EZR: variants seen among roughly 807,000 people sequenced by gnomAD.
EZR encodes cytovillin 2.
In EZR, 40 loss-of-function variants were observed where a neutral mutation model predicts 74.8. That is an observed-to-expected ratio of 0.53 (90% CI 0.42 to 0.70). EZR has a LOEUF of 0.70. EZR is among the 30% of genes least tolerant of loss of function. EZR has a pLI of 0.00. For missense variants in EZR, 678 were observed against 755.8 expected (o/e 0.90, Z 1.21); for synonymous variants, 341 against 283.3 (o/e 1.20, Z -2.05).
intron 2 of EZR, among the ~76,000 whole-genome samples, chr6:158,805,991 G>C (rs1451603068): frequency 6.6e-6 from 1 of 152,214 alleles, no homozygotes; most frequent in East Asian, 1.9e-4. Flanking sequence ...TTAAGACAAT[G>C]ACCTGTTCCC....
rs756335191 is a variant in EZR, at chr6:158,787,154, T to G, written c.146A>C (p.Tyr49Ser). Residue 49 changes from tyrosine (Y) to serine (S), a missense_variant, in exon 4 of 14, where the codon TAT becomes TCT. Around this residue, in one of 3 missense-constraint regions of EZR, gnomAD observed 217 missense variants for 232.2 expected, o/e 0.93. Coordinates refer to ENST00000367075, the MANE Select transcript of EZR (RefSeq NM_001111077.2). The part of the protein sequence containing the change: ...LREVWYFGLH[Y>S]VDNKGFPTWL... ...GGTAGGAAATCCTTTATTATCCACA[T>G]AGTGGAGGCCAAAGTACCACACTTC... 6.2e-7 allele frequency: 1 copy of G among 1,613,550 alleles called. No homozygotes were observed. Among genetic ancestry groups the G allele is most frequent in the Non-Finnish European group, 8.5e-7 (1 of 1,179,478 alleles).
At chr6:158,798,069 G>A (rs1274352155) in intron 2 of EZR, among the ~76,000 whole-genome samples, 1 of 152,230 alleles carries the variant, frequency 6.6e-6, no homozygotes, top group Non-Finnish European at 1.5e-5. Flanking sequence ...CAGAGAGACA[G>A]AATTTTGTAA....
In EZR at chr6:158,767,393, G is replaced by A. The variant is rs568900289; in HGVS notation, c.1464C>T (p.Ser488=). The change falls in exon 13 of 14, where the codon AGC becomes AGT. Residue 488 remains serine (S), a synonymous_variant. Coordinates refer to ENST00000367075, the MANE Select transcript of EZR (RefSeq NM_001111077.2). ...TGGGCTCTGCGCCCTCATCCTGCAA[G>A]CTCTCCTGGACATGGTAGCTCACCG... The part of the protein sequence containing the change: ...YEPVSYHVQE[S]LQDEGAEPTG... 1.8e-5 allele frequency: 29 copies of A among 1,613,808 alleles called. No homozygotes were observed. The South Asian group carries it at 2.1e-4, about 12-fold the overall frequency.
intron 9 of EZR, 22 bp from the exon 10 acceptor site, chr6:158,770,916 A>T (rs1791086248): frequency 6.2e-7 from 1 of 1,614,020 alleles, no homozygotes; most frequent in Non-Finnish European, 8.5e-7. Context: ...AAAAAGAGGC[A>T]CAGGGAGATT....
chr6:158,773,579 C>A (rs1335714513), intron 8 of EZR, among the ~76,000 whole-genome samples: 1 of 152,158 alleles, frequency 6.6e-6, no homozygotes, highest in African/African-American at 2.4e-5. Context: ...AAACCCAAGA[C>A]CCTACAAATA....
At chr6:158,774,672 AACACACACACACACACAC>A (rs56400693) in intron 8 of EZR, among the ~76,000 whole-genome samples, 8 of 142,516 alleles carry the variant, frequency 5.6e-5, no homozygotes, top group African/African-American at 1.1e-4. Context: ...CTTATCATCA[AACACACACACACACACAC>A]ACACACACAC....
intron 2 of EZR, among the ~76,000 whole-genome samples, chr6:158,801,188 C>A (rs1418237832): frequency 6.6e-6 from 1 of 152,204 alleles, no homozygotes; most frequent in Non-Finnish European, 1.5e-5. Flanking sequence ...AATCTCGGCT[C>A]ACTGTAGCCT....
Position 158,770,774 on chromosome 6 carries a change from CTTCT to C in EZR, c.1076_1079del (p.Lys359ArgfsTer30), listed in dbSNP as rs1461946340. 1 of 1,614,178 alleles carries C rather than the reference CTTCT, an allele frequency of 6.2e-7. No individual in the cohort carries two copies. The highest frequency in any genetic ancestry group is 8.5e-7 in the Non-Finnish European group (1 of 1,180,034). ...CCCAGGGCGCCTGACCTCTCTCTGC[CTTCT>C]TTGTCTTCTCCTCATAGTCCTGCAG... On this transcript the variant is annotated frameshift_variant, in exon 10 of 14. Transcript: ENST00000367075. LOFTEE classifies it high-confidence loss of function.
At chr6:158,816,224 T>TA (rs752165994) in intron 2 of EZR, among the ~76,000 whole-genome samples, 3 of 152,186 alleles carry the variant, frequency 2.0e-5, no homozygotes, top group African/African-American at 7.2e-5. Flanking sequence ...TCTGGGAAGA[T>TA]AAAGTTCTGG....
rs1415224228 is a variant in EZR at position 158,783,648 on chromosome 6, T to C, written c.570A>G (p.Glu190=). The change falls in exon 7 of 14, where the codon GAA becomes GAG. Residue 190 remains glutamate (E), a synonymous_variant. Transcript: ENST00000367075. ...RGMLKDNAML[E]YLKIAQDLEM... ...CCAGGTCCTGAGCAATCTTCAGGTA[T>C]TCCAACATAGCATTATCTCTAATTG... 6.2e-7 allele frequency: 1 copy of C among 1,613,830 alleles called. No homozygotes were observed. Among genetic ancestry groups the C allele is most frequent in the African/African-American group, 1.3e-5 (1 of 74,906 alleles).
intron 2 of EZR, among the ~76,000 whole-genome samples, chr6:158,792,096 T>C (rs1791764125): frequency 6.6e-6 from 1 of 152,190 alleles, no homozygotes; most frequent in African/African-American, 2.4e-5. Flanking sequence ...ATAATTAACA[T>C]TAAAAAGATA....
At chr6:158,797,805 C>T (rs1777104751) in intron 2 of EZR, among the ~76,000 whole-genome samples, 1 of 152,178 alleles carries the variant, frequency 6.6e-6, no homozygotes, top group Admixed American at 6.5e-5. Context: ...TGTTGAGTCA[C>T]TATGTACTTT....
chr6:158,775,394 T>C (rs576680315), intron 8 of EZR, among the ~76,000 whole-genome samples: 5 of 152,310 alleles, frequency 3.3e-5, no homozygotes, highest in Middle Eastern at 3.4e-3. Context: ...TGATTTTAAA[T>C]TATGCTAGAC....
chr6:158,772,632 C>T (rs1459708303), intron 8 of EZR, among the ~76,000 whole-genome samples: 1 of 152,178 alleles, frequency 6.6e-6, no homozygotes, highest in Non-Finnish European at 1.5e-5. Flanking sequence ...CAATCTTGGT[C>T]CCAACTCCTT....
chr6:158,771,175 C>T (rs1432038663), intron 9 of EZR, 69 bp downstream of exon 9: 5 of 1,464,390 alleles, frequency 3.4e-6, no homozygotes, highest in South Asian at 2.6e-5. Flanking sequence ...AGTCACCTGA[C>T]AGGCACTGGC....
chr6:158,799,424 T>C (rs1467427791), intron 2 of EZR, among the ~76,000 whole-genome samples: 2 of 152,248 alleles, frequency 1.3e-5, no homozygotes, highest in Non-Finnish European at 2.9e-5. Flanking sequence ...CCAAGATTAA[T>C]GTATTTACCT....
chr6:158,768,952 C>T (rs111266451), intron 12 of EZR, among the ~76,000 whole-genome samples: 14 of 152,154 alleles, frequency 9.2e-5, no homozygotes, highest in South Asian at 2.1e-4. Context: ...TCAGGCACTG[C>T]GACCCCATTG....
At chr6:158,787,766 G>A (rs1037240887) in intron 3 of EZR, among the ~76,000 whole-genome samples, 1 of 152,232 alleles carries the variant, frequency 6.6e-6, no homozygotes, top group Non-Finnish European at 1.5e-5. Flanking sequence ...TTCTGGGACG[G>A]AAGGGTGTCA....
intron 2 of EZR, among the ~76,000 whole-genome samples, chr6:158,807,865 T>TCTC (rs1372971973): frequency 6.6e-6 from 1 of 152,126 alleles, no homozygotes; most frequent in Non-Finnish European, 1.5e-5. Flanking sequence ...CAGACCAGCA[T>TCTC]CTCCTTTCCA....
Sources: allele counts gnomAD v4.1 joint callset (sites outside exome capture counted in the v4.1 genomes callset), GRCh38; gene constraint gnomAD v4.1.1; regional missense constraint gnomAD v4.1.1; transcripts MANE v1.5; gene names NCBI Gene and HGNC (gene_info 2026-07-23, HGNC 2026-07-21).